The following PTCD2 variants were observed in gnomAD, a reference collection of about 807,000 sequenced individuals.
The protein encoded by PTCD2 is pentatricopeptide repeat-containing protein 2, mitochondrial.
In PTCD2, 31 loss-of-function variants were observed where a neutral mutation model predicts 42.6. The observed-to-expected ratio is 0.73, with a 90% CI of 0.55 to 0.98. PTCD2 has a LOEUF of 0.98. PTCD2 is among the 50% of genes least tolerant of loss of function. The pLI is 0.00. For missense variants in PTCD2, 476 were observed against 454.8 expected (o/e 1.05, Z -0.42); for synonymous variants, 183 against 170.9 (o/e 1.07, Z -0.55).
chr5:72,328,673 C>T (rs1241315257), intron 3 of PTCD2, among the ~76,000 whole-genome samples: 2 of 151,696 alleles, frequency 1.3e-5, no homozygotes, highest in African/African-American at 4.9e-5. Context: ...TTTTGCTTTA[C>T]ATTGTTATAG....
intron 2 of PTCD2, 104 bp from the exon 3 acceptor site, chr5:72,326,508 C>G (rs1400470776): frequency 8.2e-7 from 1 of 1,224,380 alleles, no homozygotes; most frequent in East Asian, 2.3e-5. Flanking sequence ...TCTCAGTGCC[C>G]CTCTGCAGTG....
At chr5:72,322,085 T>G (rs1182085479) in intron 1 of PTCD2, 87 bp from the exon 2 acceptor site, 1 of 709,032 alleles carries the variant, frequency 1.4e-6, no homozygotes, top group East Asian at 2.6e-5. Flanking sequence ...ATAATAGATG[T>G]TAGAGGTAAT....
At chr5:72,336,997 G>A (rs1176271015) in intron 6 of PTCD2, among the ~76,000 whole-genome samples, 11 of 152,118 alleles carry the variant, frequency 7.2e-5, no homozygotes, top group Admixed American at 7.2e-4. Flanking sequence ...CAAGGGGATA[G>A]CTGGGTTATA....
At chr5:72,346,276 C>T (rs181135203) in intron 8 of PTCD2, among the ~76,000 whole-genome samples, 16 of 152,250 alleles carry the variant, frequency 1.1e-4, no homozygotes, top group Non-Finnish European at 2.4e-4. Flanking sequence ...ACTTGGAGGG[C>T]ATGAACTCAA....
At chr5:72,344,511 T>C (rs1752249492) in intron 8 of PTCD2, among the ~76,000 whole-genome samples, 1 of 151,836 alleles carries the variant, frequency 6.6e-6, no homozygotes, top group Admixed American at 6.6e-5. Flanking sequence ...AGACTCCATC[T>C]CAAAAAAAAG....
Position 72,322,227 on chromosome 5 carries a change from GAA to G in PTCD2, c.185_186del (p.Lys62SerfsTer6), listed in dbSNP as rs1425159258. 6.2e-7 allele frequency: 1 copy of G among 1,602,450 alleles called. No individual in the cohort carries two copies. The highest frequency in any genetic ancestry group is 8.5e-7 in the Non-Finnish European group (1 of 1,169,872). ...VVKLKEFQQK[K>X]VAVACNLSGT... The stretch of plus-strand genomic sequence containing the variant: ...TGAAATTAAAAGAATTTCAACAAAA[GAA>G]AGTGGCTGTTGCATGTAATCTTTCT... On this transcript the variant is annotated frameshift_variant, in exon 2 of 10. Coordinates refer to ENST00000380639, the MANE Select transcript of PTCD2 (RefSeq NM_024754.5). LOFTEE classifies it high-confidence loss of function.
intron 9 of PTCD2, 48 bp from the exon 10 acceptor site, chr5:72,358,155 G>C (rs764098783): frequency 2.0e-5 from 29 of 1,481,612 alleles, no homozygotes; most frequent in Non-Finnish European, 2.7e-5. Context: ...GTAAGAATAA[G>C]GAAGAAATCT....
chr5:72,330,217 G>A (rs941937291), intron 3 of PTCD2, among the ~76,000 whole-genome samples: 12 of 151,954 alleles, frequency 7.9e-5, no homozygotes, highest in African/African-American at 2.2e-4. Context: ...TGGGATTACA[G>A]GTGTGAGCCA....
chr5:72,354,120 T>C (rs1752748489), intron 9 of PTCD2, among the ~76,000 whole-genome samples: 1 of 152,092 alleles, frequency 6.6e-6, no homozygotes, highest in South Asian at 2.1e-4. Context: ...AGAGCTCTTT[T>C]TGAGGCCAGG....
chr5:72,331,025 CTTTTA>C (rs1751414813), intron 3 of PTCD2, among the ~76,000 whole-genome samples: 1 of 152,122 alleles, frequency 6.6e-6, no homozygotes, highest in South Asian at 2.1e-4. Flanking sequence ...TCCTCTGTTT[CTTTTA>C]TTTTATGTCA....
chr5:72,338,177 AGTGTTC>A (rs1391285833), intron 6 of PTCD2, among the ~76,000 whole-genome samples: 5 of 152,166 alleles, frequency 3.3e-5, no homozygotes, highest in African/African-American at 1.2e-4. Context: ...TGTTCAAATT[AGTGTTC>A]GTGTTTTCAA....
chr5:72,331,105 A>G (rs1751418431), intron 3 of PTCD2, among the ~76,000 whole-genome samples, 153 bp from the exon 4 acceptor site: 1 of 152,046 alleles, frequency 6.6e-6, no homozygotes, highest in African/African-American at 2.4e-5. Context: ...AGGATTCCTG[A>G]TTGTCTGAAA....
In PTCD2 at chr5:72,354,382, GAAAAAA is replaced by G. The variant is rs35170727; in HGVS notation, c.942+1649_942+1654del. Among the ~76,000 whole-genome samples, 178 of 29,794 alleles carry G rather than the reference GAAAAAA, an allele frequency of 6.0e-3. 1 individual carries two copies. Among genetic ancestry groups the G allele is most frequent in the Middle Eastern group, 0.029 (1 of 34 alleles). 19.5% of individuals were successfully genotyped at this position (29,794 alleles called of 152,430 possible). A position where few individuals can be genotyped will look rare whatever the true frequency, so the allele number is the denominator to read the frequency against. On this transcript the variant is annotated intron_variant, in intron 9 of 9. Transcript: ENST00000380639. ...CTGGCGACAGAATGAGACTCCATCT[GAAAAAA>G]AAAAAAAAAAAAAAAAAAAAGCTCT...
intron 8 of PTCD2, among the ~76,000 whole-genome samples, chr5:72,349,845 T>G (rs969845753): frequency 2.6e-5 from 4 of 152,236 alleles, no homozygotes; most frequent in African/African-American, 9.6e-5. Context: ...CTGCCTTATG[T>G]GCATTGCCCT....
intron 5 of PTCD2, among the ~76,000 whole-genome samples, 190 bp downstream of exon 5, chr5:72,335,286 A>G (rs948129171): frequency 2.1e-4 from 32 of 151,900 alleles, no homozygotes; most frequent in Non-Finnish European, 3.8e-4. Context: ...CGTCTCTACT[A>G]AAAATACAAA....
rs1445169523 is a variant in PTCD2 at position 72,320,670 on chromosome 5, C to G, written c.127+161C>G. 8.4e-6 allele frequency: 8 copies of G among 951,168 alleles called. No homozygotes were observed. The Admixed American group carries it at 1.9e-4, about 23-fold the overall frequency. The allele number at this position is 951,168 out of a possible 1,614,324, so 58.9% of individuals were successfully genotyped here. ...TTGCACGTGGGTGCAGTGGTGACCA[C>G]TGGGGGTCGTGGATACCCCCAGTGC... On this transcript the variant is annotated intron_variant, in intron 1 of 9. Coordinates refer to ENST00000380639, the MANE Select transcript of PTCD2 (RefSeq NM_024754.5).
chr5:72,322,398 A>G (rs1157874395), intron 2 of PTCD2, 134 bp downstream of exon 2: 2 of 642,128 alleles, frequency 3.1e-6, no homozygotes, highest in Non-Finnish European at 5.6e-6. Flanking sequence ...TGTTAGTTTC[A>G]TAGTGAACTC....
intron 8 of PTCD2, 41 bp from the exon 9 acceptor site, chr5:72,352,600 T>G: frequency 1.1e-6 from 1 of 945,864 alleles, no homozygotes; most frequent in Non-Finnish European, 1.7e-6. Context: ...ATTGAGACAC[T>G]CACTCAGTCT....
intron 8 of PTCD2, among the ~76,000 whole-genome samples, chr5:72,351,520 G>A (rs967629347): frequency 1.5e-4 from 23 of 152,196 alleles, no homozygotes; most frequent in African/African-American, 4.8e-4. Context: ...AATTGCCAGA[G>A]ATTGGGTAAT....
Sources: gnomAD v4.1 joint callset for allele counts (sites outside exome capture counted in the v4.1 genomes callset) on GRCh38, gnomAD v4.1.1 for gene constraint, MANE v1.5 for transcripts, NCBI Gene and HGNC (gene_info 2026-07-23, HGNC 2026-07-21) for gene names.